Variants in SOHLH2 observed in about 807,000 individuals in gnomAD.
SOHLH2 encodes spermatogenesis and oogenesis specific basic helix-loop-helix 2, also known as spermatogenesis- and oogenesis-specific basic helix-loop-helix-containing protein 2.
Under a neutral mutation model 50.4 loss-of-function variants are expected in SOHLH2, and 22 were observed. The observed-to-expected ratio is 0.44, with a 90% CI of 0.31 to 0.62. The LOEUF is 0.62. SOHLH2 is among the 20% of genes least tolerant of loss of function. SOHLH2 has a pLI of 0.08. For synonymous variants in SOHLH2, 185 were observed against 187.3 expected, an observed-to-expected ratio of 0.99 and a Z score of 0.10; for missense variants, 412 against 504.4, an observed-to-expected ratio of 0.82 and a Z score of 1.76.
chr13:36,174,436 T>G, intron 8 of SOHLH2, 40 bp downstream of exon 8: 1 of 1,607,808 alleles, frequency 6.2e-7, no homozygotes, highest in East Asian at 2.2e-5. Context: ...GGGAGGAAAA[T>G]AACTAGCAGA....
chr13:36,205,322 G>A (rs1868688266), intron 1 of SOHLH2, among the ~76,000 whole-genome samples: 1 of 152,026 alleles, frequency 6.6e-6, no homozygotes, highest in African/African-American at 2.4e-5. Flanking sequence ...AGTGACAGTA[G>A]GTGTTCCTGT....
In SOHLH2 at chr13:36,187,980, G is replaced by A. The variant is rs552190432; in HGVS notation, c.641+1966C>T. 1.4e-4 allele frequency among the ~76,000 whole-genome samples: 21 copies of A among 152,214 alleles called. No individual in the cohort carries two copies. In the South Asian group the frequency reaches 2.5e-3, roughly 18 times the overall value. Reference sequence around the variant, plus strand: ...GCCCAGGCCTGAAGAGACTGGCAGCGTCCCCTTCCTGTCTCTTGAAACACT... The same window carrying A: ...GCCCAGGCCTGAAGAGACTGGCAGCATCCCCTTCCTGTCTCTTGAAACACT... On this transcript the variant is annotated intron_variant, in intron 6 of 10. Transcript: ENST00000379881.
chr13:36,214,349 T>C, intron 1 of SOHLH2, 130 bp downstream of exon 1: 1 of 1,142,770 alleles, frequency 8.8e-7, no homozygotes, highest in Non-Finnish European at 1.2e-6. Context: ...CCCTTCCTGC[T>C]ATTCGCTCCC....
intron 2 of SOHLH2, among the ~76,000 whole-genome samples, chr13:36,199,311 T>TCA (rs3838357): frequency 9.1e-4 from 136 of 149,232 alleles, no homozygotes; most frequent in South Asian, 2.0e-3. Flanking sequence ...TTACACACCC[T>TCA]CACACACACA....
intron 5 of SOHLH2, 40 bp from the exon 6 acceptor site, chr13:36,190,096 A>T: frequency 1.3e-6 from 2 of 1,556,988 alleles, no homozygotes; most frequent in Non-Finnish European, 1.7e-6. Flanking sequence ...TTAAAGGGGA[A>T]AATTGTCGGG....
chr13:36,185,191 G>A (rs970595457), intron 6 of SOHLH2, among the ~76,000 whole-genome samples: 13 of 152,120 alleles, frequency 8.5e-5, no homozygotes, highest in East Asian at 1.9e-4. Context: ...TATAGAGGCC[G>A]GGCACGATGG....
At chr13:36,207,774 A>G (rs1291979863) in intron 1 of SOHLH2, among the ~76,000 whole-genome samples, 1 of 152,112 alleles carries the variant, frequency 6.6e-6, no homozygotes, top group Admixed American at 6.6e-5. Flanking sequence ...AGTGCTGGTC[A>G]GGTATTTTGT....
At chr13:36,196,430 A>G (rs1318175364) in intron 2 of SOHLH2, among the ~76,000 whole-genome samples, 2 of 152,090 alleles carry the variant, frequency 1.3e-5, no homozygotes, top group East Asian at 3.9e-4. Flanking sequence ...CTAGCCTCGT[A>G]TACATATTTT....
intron 6 of SOHLH2, chr13:36,183,127 T>A: frequency 2.9e-6 from 1 of 348,562 alleles, no homozygotes; most frequent in South Asian, 2.3e-5. Context: ...GGCTCCACTT[T>A]GCCTCCTGCC....
At chr13:36,188,741 C>A (rs1003079160) in intron 6 of SOHLH2, among the ~76,000 whole-genome samples, 2 of 152,192 alleles carry the variant, frequency 1.3e-5, no homozygotes, top group African/African-American at 2.4e-5. Flanking sequence ...TGGATTCCTT[C>A]TCTGCTGCCT....
intron 1 of SOHLH2, among the ~76,000 whole-genome samples, chr13:36,210,570 A>G (rs1414070592): frequency 6.6e-6 from 1 of 151,916 alleles, no homozygotes; most frequent in East Asian, 1.9e-4. Flanking sequence ...TTATTTTTCC[A>G]TGATATTTAC....
In SOHLH2 at chr13:36,193,873, A is replaced by T; in HGVS notation, c.264-6T>A. The T allele has an allele frequency of 1.9e-6, 3 of 1,592,214 alleles. No individual in the cohort carries two copies. Among genetic ancestry groups the T allele is most frequent in the Non-Finnish European group, 2.6e-6 (3 of 1,174,588 alleles). On this transcript the variant is annotated splice_region_variant and splice_polypyrimidine_tract_variant and intron_variant, in intron 2 of 10. Coordinates refer to ENST00000379881, the MANE Select transcript of SOHLH2 (RefSeq NM_017826.3). Reference sequence around the variant, plus strand: ...TATTTTTCTTTTTGCCAAATCTGAGAGAGGAAAGAAAATGTTAAAATGAAG... The same window carrying T: ...TATTTTTCTTTTTGCCAAATCTGAGTGAGGAAAGAAAATGTTAAAATGAAG...
chr13:36,184,643 A>G (rs932503769), intron 6 of SOHLH2, among the ~76,000 whole-genome samples: 2 of 151,848 alleles, frequency 1.3e-5, no homozygotes, highest in Admixed American at 1.3e-4. Context: ...GTATTTTAGT[A>G]GAGACAGGGT....
chr13:36,202,202 A>G (rs974666902), intron 1 of SOHLH2, 109 bp from the exon 2 acceptor site: 1 of 1,344,786 alleles, frequency 7.4e-7, no homozygotes, highest in African/African-American at 1.5e-5. Context: ...ACAACAATTG[A>G]CTCCATATCT....
intron 1 of SOHLH2, among the ~76,000 whole-genome samples, chr13:36,210,980 C>A (rs764553756): frequency 2.6e-5 from 4 of 152,132 alleles, no homozygotes; most frequent in African/African-American, 9.7e-5. Context: ...AGATTGTTTG[C>A]GAATCTCCAC....
chr13:36,198,007 T>A (rs9593901), intron 2 of SOHLH2, among the ~76,000 whole-genome samples: 4 of 152,226 alleles, frequency 2.6e-5, no homozygotes, highest in Non-Finnish European at 4.4e-5. Context: ...ATGAGTTACA[T>A]TGTCAAGTCA....
intron 8 of SOHLH2, 60 bp from the exon 9 acceptor site, chr13:36,173,870 T>C: frequency 6.4e-7 from 1 of 1,574,468 alleles, no homozygotes; most frequent in Non-Finnish European, 8.7e-7. Flanking sequence ...TGGACACTGC[T>C]GAGTTCAATT....
intron 2 of SOHLH2, among the ~76,000 whole-genome samples, chr13:36,198,939 T>G (rs1593954707): frequency 6.6e-6 from 1 of 152,166 alleles, no homozygotes; most frequent in African/African-American, 2.4e-5. Context: ...TACGTAGTTG[T>G]ACATTTTCCT....
At chr13:36,170,440 A>C (rs1886930567) in intron 10 of SOHLH2, 91 bp downstream of exon 10, 1 of 1,491,034 alleles carries the variant, frequency 6.7e-7, no homozygotes, top group Non-Finnish European at 8.9e-7. Flanking sequence ...CCAGCCTTCC[A>C]ACCAGAGTAG....
Sources: gnomAD v4.1 joint callset for allele counts (sites outside exome capture counted in the v4.1 genomes callset) on GRCh38, gnomAD v4.1.1 for gene constraint, MANE v1.5 for transcripts, NCBI Gene and HGNC (gene_info 2026-07-23, HGNC 2026-07-21) for gene names.